Variants in TBC1D22A observed in about 807,000 individuals in gnomAD.
TBC1D22A encodes putative GTPase activator.
In TBC1D22A, 38 loss-of-function variants were observed where a neutral mutation model predicts 60.2. The observed-to-expected ratio is 0.63, with a 90% CI of 0.49 to 0.83. TBC1D22A has a LOEUF of 0.83. Among genes scored for constraint, TBC1D22A ranks in the 40% least tolerant of loss-of-function variants. The probability of loss-of-function intolerance (pLI) is 0.00; values close to 1 mark genes in which losing one functional copy is unlikely to be tolerated. For missense variants in TBC1D22A, 628 were observed against 701.0 expected, an observed-to-expected ratio of 0.90 and a Z score of 1.18; for synonymous variants, 302 against 281.7, an observed-to-expected ratio of 1.07 and a Z score of -0.72.
At chr22:46,802,675 A>C (rs993681464) in intron 4 of TBC1D22A, among the ~76,000 whole-genome samples, 1 of 152,216 alleles carries the variant, frequency 6.6e-6, no homozygotes, top group African/African-American at 2.4e-5. Flanking sequence ...GGTGCAGAGC[A>C]TCAGAAAGCG....
At chr22:46,855,689 C>T (rs778185054) in intron 4 of TBC1D22A, among the ~76,000 whole-genome samples, 6 of 152,198 alleles carry the variant, frequency 3.9e-5, no homozygotes, top group East Asian at 1.9e-4. Flanking sequence ...TCCAGGCTCC[C>T]GCAAGATAAA....
chr22:46,951,743 A>G (rs1209155078), intron 8 of TBC1D22A, among the ~76,000 whole-genome samples: 1 of 152,218 alleles, frequency 6.6e-6, no homozygotes, highest in Non-Finnish European at 1.5e-5. Flanking sequence ...AACCTGATTT[A>G]TAACCAGTGG....
chr22:47,008,740 G>A (rs2061661359), intron 10 of TBC1D22A, among the ~76,000 whole-genome samples: 1 of 152,236 alleles, frequency 6.6e-6, no homozygotes, highest in South Asian at 2.1e-4. Context: ...AGTGAGGCCT[G>A]GGTACAGGCA....
intron 4 of TBC1D22A, among the ~76,000 whole-genome samples, chr22:46,876,384 G>C (rs2067568042): frequency 6.6e-6 from 1 of 152,208 alleles, no homozygotes; most frequent in South Asian, 2.1e-4. Flanking sequence ...ACCTAGCAAT[G>C]TCATTACTGG....
chr22:46,938,264 C>A (rs1052189489), intron 8 of TBC1D22A, among the ~76,000 whole-genome samples: 7 of 152,116 alleles, frequency 4.6e-5, no homozygotes, highest in Non-Finnish European at 8.8e-5. Flanking sequence ...AGATATGTTT[C>A]GATACACAAA....
chr22:46,879,249 T>C (rs1356977520), intron 5 of TBC1D22A, among the ~76,000 whole-genome samples: 1 of 152,042 alleles, frequency 6.6e-6, no homozygotes, highest in Non-Finnish European at 1.5e-5. Flanking sequence ...GAGTTCTGGC[T>C]GCCGCAGCTC....
chr22:46,918,596 C>G (rs1172286847), intron 8 of TBC1D22A, among the ~76,000 whole-genome samples: 2 of 152,148 alleles, frequency 1.3e-5, no homozygotes, highest in Non-Finnish European at 2.9e-5. Context: ...GGGACAACTT[C>G]AGGAAGGAGG....
chr22:47,116,905 C>T (rs925097885), intron 12 of TBC1D22A: 4 of 152,384 alleles, frequency 2.6e-5, no homozygotes, highest in African/African-American at 9.7e-5. Flanking sequence ...GAACCCTCGC[C>T]CTGAGCCAGG....
At chr22:47,061,904 A>G (rs891383401) in intron 11 of TBC1D22A, among the ~76,000 whole-genome samples, 9 of 152,000 alleles carry the variant, frequency 5.9e-5, no homozygotes, top group African/African-American at 1.9e-4. Context: ...CCTGGCCAAC[A>G]TGGCAAAACC....
In TBC1D22A at chr22:47,028,667, C is replaced by T. The variant is rs1391231236; in HGVS notation, c.1202-8404C>T. Among the ~76,000 whole-genome samples, 1 of 152,202 alleles carries T rather than the reference C, an allele frequency of 6.6e-6. No homozygotes were observed. Among genetic ancestry groups the T allele is most frequent in the African/African-American group, 2.4e-5 (1 of 41,452 alleles). On this transcript the variant is annotated intron_variant, in intron 10 of 12. Transcript: ENST00000337137. This position sits in a 1 kb window ranked among gnomAD's most constrained non-coding sequence, Gnocchi z 4.4. ...CTTGGGTCTGACCTGTCTTCAGCCC[C>T]ATCCTTGTGTTGAGCATGTGAGAAG...
chr22:46,850,986 G>A lies in TBC1D22A; in HGVS notation c.638-27667G>A, dbSNP rs567422349. ...GCAAAATAGGCAAATCCATAGAGAC[G>A]GAAAGTGGAATGGTAGTTGTGGGGC... On this transcript the variant is annotated intron_variant, in intron 4 of 12. Coordinates refer to ENST00000337137, the MANE Select transcript of TBC1D22A (RefSeq NM_014346.5). Among the ~76,000 whole-genome samples the A allele has an allele frequency of 4.6e-5, 7 of 152,280 alleles. No homozygotes were observed. In the South Asian group the frequency reaches 1.0e-3, roughly 23 times the overall value.
At chr22:46,968,077 A>G (rs1290776327) in intron 8 of TBC1D22A, among the ~76,000 whole-genome samples, 1 of 152,198 alleles carries the variant, frequency 6.6e-6, no homozygotes, top group Non-Finnish European at 1.5e-5. Flanking sequence ...CCTTGTGGTG[A>G]CGGGCTCTTT....
At chr22:47,096,350 T>C (rs2065173364) in intron 11 of TBC1D22A, among the ~76,000 whole-genome samples, 1 of 152,214 alleles carries the variant, frequency 6.6e-6, no homozygotes, top group East Asian at 1.9e-4. Flanking sequence ...TTTTTTCTCT[T>C]GTGGATTCTT....
At chr22:46,955,542 C>T (rs1273205410) in intron 8 of TBC1D22A, among the ~76,000 whole-genome samples, 1 of 152,144 alleles carries the variant, frequency 6.6e-6, no homozygotes, top group Non-Finnish European at 1.5e-5. Flanking sequence ...TCTTTATGAG[C>T]CATTTCTTAT....
chr22:47,153,376 CG>C (rs2067580451), intron 12 of TBC1D22A, among the ~76,000 whole-genome samples: 2 of 152,134 alleles, frequency 1.3e-5, no homozygotes, highest in East Asian at 3.9e-4. Flanking sequence ...TTCCTAAAGA[CG>C]GGGAGGGTGG....
intron 11 of TBC1D22A, among the ~76,000 whole-genome samples, chr22:47,055,896 G>GGTGAGATATGCCACTGAGGGTCA (rs1569397810): frequency 5.3e-5 from 8 of 150,598 alleles, no homozygotes; most frequent in Non-Finnish European, 1.2e-4. Flanking sequence ...ACTGAGGGTC[G>GGTGAGATATGCCACTGAGGGTCA]GTGAGATACG....
intron 8 of TBC1D22A, among the ~76,000 whole-genome samples, chr22:46,969,109 A>T (rs919481520): frequency 1.3e-5 from 2 of 152,070 alleles, no homozygotes; most frequent in Admixed American, 6.6e-5. Context: ...TTCTCAAAAC[A>T]TTCACAAGGG....
At chr22:46,896,980 TTAAA>T (rs1426186108) in intron 7 of TBC1D22A, among the ~76,000 whole-genome samples, 1 of 152,224 alleles carries the variant, frequency 6.6e-6, no homozygotes, top group Non-Finnish European at 1.5e-5. Context: ...CTTTATGAAA[TTAAA>T]TATTCATTTT....
Position 47,062,087 on chromosome 22 carries a change from CAA to C in TBC1D22A, c.1329+24909_1329+24910del, listed in dbSNP as rs908701365. ...TGGGCGACAGAGCAAGACTCCATCT[CAA>C]AAAAAAAAAAAAAAAAAAAGACAAT... On this transcript the variant is annotated intron_variant, in intron 11 of 12. Transcript: ENST00000337137. Among the ~76,000 whole-genome samples the C allele has an allele frequency of 4.4e-4, 28 of 62,996 alleles. No homozygotes were observed. The South Asian group carries it at 0.012, about 27-fold the overall frequency. The allele number at this position is 62,996 out of a possible 152,430, so 41.3% of individuals were successfully genotyped here. A position where few individuals can be genotyped will look rare whatever the true frequency, so the allele number is the denominator to read the frequency against.
Sources: gnomAD v4.1 joint callset for allele counts (sites outside exome capture counted in the v4.1 genomes callset) on GRCh38, gnomAD v4.1.1 for gene constraint, Gnocchi (gnomAD v3.1) non-coding constraint, MANE v1.5 for transcripts, NCBI Gene and HGNC (gene_info 2026-07-23, HGNC 2026-07-21) for gene names.